The following LARP4 variants were observed in gnomAD, a reference collection of about 807,000 sequenced individuals.
The protein encoded by LARP4 is la-related protein 4.
Under a neutral mutation model 92.9 loss-of-function variants are expected in LARP4, and 29 were observed. The ratio of observed to expected loss-of-function variants is 0.31; its 90% CI spans 0.23 to 0.43. The LOEUF (loss-of-function observed/expected upper bound fraction) is 0.43. LARP4 is among the 20% of genes least tolerant of loss of function. The probability of loss-of-function intolerance (pLI) is 1.00; values close to 1 mark genes in which losing one functional copy is unlikely to be tolerated. For missense variants in LARP4, 732 were observed against 860.0 expected (o/e 0.85, Z 1.86); for synonymous variants, 279 against 284.1 (o/e 0.98, Z 0.18).
At chr12:50,473,129 T>C (rs1220539384) in intron 13 of LARP4, among the ~76,000 whole-genome samples, 1 of 152,118 alleles carries the variant, frequency 6.6e-6, no homozygotes, top group Non-Finnish European at 1.5e-5. Flanking sequence ...CTATTTAACT[T>C]TTTAAGGAAC....
chr12:50,404,881 G>A (rs1412440948), intron 1 of LARP4, among the ~76,000 whole-genome samples: 1 of 151,702 alleles, frequency 6.6e-6, no homozygotes. Context: ...GTAGAGATGG[G>A]GTTTCACCAT....
chr12:50,416,383 G>A (rs972220499), intron 1 of LARP4: 1 of 152,140 alleles, frequency 6.6e-6, no homozygotes, highest in African/African-American at 2.4e-5. Context: ...TCAGATGACC[G>A]GGTGCCGTGG....
intron 15 of LARP4, among the ~76,000 whole-genome samples, chr12:50,474,673 T>C (rs1475588497): frequency 6.6e-6 from 1 of 152,152 alleles, no homozygotes; most frequent in East Asian, 1.9e-4. Flanking sequence ...ATTGCTTTTT[T>C]TCTGTTCATA....
intron 10 of LARP4, among the ~76,000 whole-genome samples, chr12:50,459,790 C>T (rs1954998788): frequency 1.4e-5 from 2 of 141,218 alleles, no homozygotes; most frequent in South Asian, 2.3e-4. Flanking sequence ...CGCCATTGCA[C>T]TCCAGCCTGG....
Position 50,474,142 on chromosome 12 carries a change from A to C in LARP4, c.1811A>C (p.Asn604Thr). Residue 604 changes from asparagine to threonine, a missense_variant, in exon 15 of 16, where the codon AAT (asparagine) becomes ACT (threonine). By Grantham distance (65) the Asn-to-Thr change is moderately conservative. Coordinates refer to ENST00000398473, the MANE Select transcript of LARP4 (RefSeq NM_052879.5). ...GCTTCACCATGTAATAATAACATAA[A>C]TGCAGCTACAGCTGTGGCTCTACAG... ...STASPCNNNI[N>T]AATAVALQEP... 2 of 1,613,270 alleles carry C rather than the reference A, an allele frequency of 1.2e-6. No homozygotes were observed. The highest frequency in any genetic ancestry group is 8.5e-7 in the Non-Finnish European group (1 of 1,179,700).
intron 1 of LARP4, 138 bp downstream of exon 1, chr12:50,401,166 G>A: frequency 1.1e-6 from 1 of 925,424 alleles, no homozygotes; most frequent in Non-Finnish European, 1.8e-6. Context: ...CACCTGGGCC[G>A]AGCAGGCCTG....
At chr12:50,463,308 G>C (rs1344381389) in intron 12 of LARP4, among the ~76,000 whole-genome samples, 2 of 150,708 alleles carry the variant, frequency 1.3e-5, no homozygotes, top group Non-Finnish European at 2.9e-5. Flanking sequence ...CTTTGGCCAG[G>C]CATGGCGACT....
chr12:50,479,349 T>C lies in LARP4; in HGVS notation c.*3485T>C, dbSNP rs543514119. ...GTGTATTCCTTCTGAGGGGCTTTTATAAATTATTAACTATAATATATGATG... is the reference window on the plus strand; with the variant it reads ...GTGTATTCCTTCTGAGGGGCTTTTACAAATTATTAACTATAATATATGATG... On this transcript the variant is annotated 3_prime_UTR_variant, in exon 16 of 16. Coordinates refer to ENST00000398473, the MANE Select transcript of LARP4 (RefSeq NM_052879.5). 6.6e-6 allele frequency: 1 copy of C among 152,520 alleles called. No homozygotes were observed. The highest frequency in any genetic ancestry group is 2.4e-5 in the African/African-American group (1 of 41,598). 9.4% of individuals were successfully genotyped at this position (152,520 alleles called of 1,614,324 possible).
intron 1 of LARP4, 107 bp downstream of exon 1, chr12:50,401,135 C>T: frequency 1.5e-6 from 2 of 1,293,464 alleles, no homozygotes; most frequent in South Asian, 1.2e-5. Flanking sequence ...CGCCGCGGAA[C>T]CGGCAGATAG....
chr12:50,469,168 C>G (rs1255118790), intron 13 of LARP4, among the ~76,000 whole-genome samples: 1 of 151,904 alleles, frequency 6.6e-6, no homozygotes, highest in Non-Finnish European at 1.5e-5. Context: ...ATCATTTTCC[C>G]TTGGAACTTT....
chr12:50,402,931 A>C, intron 1 of LARP4: 1 of 392,152 alleles, frequency 2.6e-6, no homozygotes, highest in South Asian at 1.8e-5. Flanking sequence ...AGTTTTATTG[A>C]AAATTAACTG....
At chr12:50,412,167 T>TCA (rs1946022562) in intron 1 of LARP4, among the ~76,000 whole-genome samples, 1 of 152,218 alleles carries the variant, frequency 6.6e-6, no homozygotes, top group African/African-American at 2.4e-5. Context: ...ATTCTCTGAA[T>TCA]GAGTGAAGAA....
chr12:50,417,466 T>A (rs1565957278), intron 1 of LARP4, among the ~76,000 whole-genome samples: 1 of 152,152 alleles, frequency 6.6e-6, no homozygotes, highest in Non-Finnish European at 1.5e-5. Context: ...TGAAAACTAG[T>A]TGTCTTCCTC....
At chr12:50,450,475 G>A (rs10467107) in intron 8 of LARP4, among the ~76,000 whole-genome samples, 127,067 of 152,152 alleles carry the variant, frequency 0.84, 55,579 homozygotes, top group East Asian at 0.98. Flanking sequence ...AGACAAAAAT[G>A]TAGGTTTGTA....
At chr12:50,412,438 T>A (rs974483821) in intron 1 of LARP4, 2 of 974,518 alleles carry the variant, frequency 2.1e-6, no homozygotes, top group Non-Finnish European at 2.4e-6. Flanking sequence ...GGATTTCTGT[T>A]TCTGATAGTA....
chr12:50,427,345 G>T (rs1948953752), intron 1 of LARP4, among the ~76,000 whole-genome samples: 1 of 152,086 alleles, frequency 6.6e-6, no homozygotes, highest in African/African-American at 2.4e-5. Flanking sequence ...CAGGTAGGTT[G>T]GGGTAAAGCA....
At chr12:50,428,362 T>G (rs1483809799) in intron 2 of LARP4, among the ~76,000 whole-genome samples, 1 of 152,142 alleles carries the variant, frequency 6.6e-6, no homozygotes. Flanking sequence ...TTAAGTATAT[T>G]TATCAATTTT....
rs542965721 is a variant in LARP4, at chr12:50,423,060, T to A, written c.19-4702T>A. Among the ~76,000 whole-genome samples the A allele has an allele frequency of 6.6e-5, 10 of 152,104 alleles. No homozygotes were observed. In the South Asian group the frequency reaches 2.1e-3, roughly 32 times the overall value. ...GTCTTGAACTCCTGACCTCAGGTGA[T>A]CCACCCGCCTCAGCCTCCCACAGTG... On this transcript the variant is annotated intron_variant, in intron 1 of 15. Transcript: ENST00000398473.
intron 1 of LARP4, among the ~76,000 whole-genome samples, chr12:50,409,086 T>C (rs1014715264): frequency 2.6e-5 from 4 of 151,926 alleles, no homozygotes; most frequent in African/African-American, 9.7e-5. Context: ...CCTTTTGAGT[T>C]GGAGGAAGAA....
Sources: gnomAD v4.1 joint callset for allele counts (sites outside exome capture counted in the v4.1 genomes callset) on GRCh38, gnomAD v4.1.1 for gene constraint, MANE v1.5 for transcripts, NCBI Gene and HGNC (gene_info 2026-07-23, HGNC 2026-07-21) for gene names.